UBXN7: variants seen among roughly 807,000 people sequenced by gnomAD.
The protein encoded by UBXN7 is UBX domain-containing protein 7.
In UBXN7, 9 loss-of-function variants were observed where a neutral mutation model predicts 58.0. That is an observed-to-expected ratio of 0.16 (90% CI 0.09 to 0.27). The LOEUF (loss-of-function observed/expected upper bound fraction) is 0.27. Among genes scored for constraint, UBXN7 ranks in the 10% least tolerant of loss-of-function variants. The probability of loss-of-function intolerance (pLI) is 1.00; values close to 1 mark genes in which losing one functional copy is unlikely to be tolerated. For synonymous variants in UBXN7, 208 were observed against 205.0 expected, an observed-to-expected ratio of 1.01 and a Z score of -0.12; for missense variants, 328 against 599.6, an observed-to-expected ratio of 0.55 and a Z score of 4.73.
chr3:196,385,049 C>T (rs1384538046), intron 5 of UBXN7, among the ~76,000 whole-genome samples: 1 of 152,224 alleles, frequency 6.6e-6, no homozygotes, highest in Non-Finnish European at 1.5e-5. Flanking sequence ...CCCTCTGATG[C>T]TGAGCCGAGG....
At chr3:196,410,286 C>CAT (rs1730285135) in intron 1 of UBXN7, among the ~76,000 whole-genome samples, 1 of 151,994 alleles carries the variant, frequency 6.6e-6, no homozygotes, top group African/African-American at 2.4e-5. Flanking sequence ...CTTTTTTTCT[C>CAT]AGCAGCAGGG....
chr3:196,401,320 C>CACACACAT (rs1189963065), intron 3 of UBXN7, among the ~76,000 whole-genome samples: 1 of 72,498 alleles, frequency 1.4e-5, no homozygotes, highest in African/African-American at 5.7e-5. Context: ...CACACACACA[C>CACACACAT]ATATATATAT....
At chr3:196,376,333 A>G (rs757605985) in intron 5 of UBXN7, among the ~76,000 whole-genome samples, 9 of 152,046 alleles carry the variant, frequency 5.9e-5, no homozygotes, top group Non-Finnish European at 8.8e-5. Context: ...ACCTGAGGTC[A>G]GGAGTTCGAG....
At chr3:196,399,315 T>A (rs543693590) in intron 3 of UBXN7, among the ~76,000 whole-genome samples, 85 of 152,264 alleles carry the variant, frequency 5.6e-4, no homozygotes, top group Non-Finnish European at 8.8e-4. Context: ...ATTTATTATT[T>A]TTTTTTGAGT....
chr3:196,378,892 G>C (rs1391759851), intron 5 of UBXN7, among the ~76,000 whole-genome samples: 38 of 137,086 alleles, frequency 2.8e-4, no homozygotes, highest in Admixed American at 3.7e-4. Context: ...TTGGTTTTGG[G>C]GGGTTTTAGC....
intron 1 of UBXN7, 116 bp from the exon 2 acceptor site, chr3:196,407,509 T>C (rs1730198749): frequency 7.3e-7 from 1 of 1,372,248 alleles, no homozygotes; most frequent in African/African-American, 1.5e-5. Context: ...CCTTTTAGAA[T>C]GAATGACTTT....
At chr3:196,371,725 C>T (rs924307855) in intron 6 of UBXN7, among the ~76,000 whole-genome samples, 171 bp downstream of exon 6, 2 of 152,144 alleles carry the variant, frequency 1.3e-5, no homozygotes, top group Non-Finnish European at 2.9e-5. Context: ...TCAGGTGATC[C>T]GCCGGCCTCA....
At position 196,362,436 on chromosome 3, in the gene UBXN7, A is replaced by G; in HGVS notation, c.1086T>C (p.Asn362=). The change falls in exon 9 of 11, where the codon AAT becomes AAC. Residue 362 remains asparagine, a synonymous_variant. Coordinates refer to ENST00000296328, the MANE Select transcript of UBXN7 (RefSeq NM_015562.2). The part of the protein sequence containing the change: ...HKDLGHRKEE[N]RRPLTEPPVR... ...CTGGTGGCTCAGTCAGCGGCCTTCTATTCTCCTCTTTTCTATGCCCCAAAT... is the reference window on the plus strand; with the variant it reads ...CTGGTGGCTCAGTCAGCGGCCTTCTGTTCTCCTCTTTTCTATGCCCCAAAT... 6.2e-7 allele frequency: 1 copy of G among 1,613,992 alleles called. No homozygotes were observed. Among genetic ancestry groups the G allele is most frequent in the Non-Finnish European group, 8.5e-7 (1 of 1,180,010 alleles).
Position 196,432,424 on chromosome 3 carries a change from C to CCG in UBXN7, c.-26_-25insCG, listed in dbSNP as rs765359317. The CCG allele has an allele frequency of 7.4e-5, 116 of 1,577,846 alleles. No individual in the cohort carries two copies. The highest frequency in any genetic ancestry group is 9.2e-5 in the Non-Finnish European group (107 of 1,158,648). On this transcript the variant is annotated 5_prime_UTR_variant, in exon 1 of 11. Transcript: ENST00000296328. ...TCTTACCGCCGCCGCCGCCGCCGAA[C>CCG]AACAACACAGACACACACGGACTGC...
chr3:196,376,735 T>G (rs1019130415), intron 5 of UBXN7, among the ~76,000 whole-genome samples: 25 of 151,610 alleles, frequency 1.6e-4, no homozygotes, highest in Non-Finnish European at 2.7e-4. Context: ...AAAATGTGGG[T>G]TTTTTTTCCT....
chr3:196,398,884 G>T lies in UBXN7; in HGVS notation c.289+4068C>A, dbSNP rs1010181638. Among the ~76,000 whole-genome samples the T allele has an allele frequency of 7.2e-5, 11 of 152,158 alleles. No individual in the cohort carries two copies. In the East Asian group the frequency reaches 2.1e-3, roughly 29 times the overall value. On this transcript the variant is annotated intron_variant, in intron 3 of 10. Coordinates refer to ENST00000296328, the MANE Select transcript of UBXN7 (RefSeq NM_015562.2). ...ACTCCCAGGCTCAAACAATCCTCCCGCCTCAGCCTCCGAAAGTAATCCCAA... is the reference window on the plus strand; with the variant it reads ...ACTCCCAGGCTCAAACAATCCTCCCTCCTCAGCCTCCGAAAGTAATCCCAA...
chr3:196,368,461 C>A (rs1349487629), intron 7 of UBXN7, among the ~76,000 whole-genome samples: 1 of 152,026 alleles, frequency 6.6e-6, no homozygotes, highest in Non-Finnish European at 1.5e-5. Flanking sequence ...CATTAAAAAC[C>A]AGGATCTGTA....
In UBXN7 at chr3:196,403,024, T is replaced by TA. The variant is rs570724240; in HGVS notation, c.222-6dup. ...ATTGGGGCACGAACTTCTTCTCTAT[T>TA]AAAAAAAAATGGGAAAATAAAAAAT... On this transcript the variant is annotated splice_region_variant and splice_polypyrimidine_tract_variant and intron_variant, in intron 2 of 10. Coordinates refer to ENST00000296328, the MANE Select transcript of UBXN7 (RefSeq NM_015562.2). 2.5e-4 allele frequency: 389 copies of TA among 1,552,480 alleles called. No individual in the cohort carries two copies. Among genetic ancestry groups the TA allele is most frequent in the Admixed American group, 9.0e-4 (44 of 48,658 alleles).
chr3:196,382,977 G>A (rs191382359), intron 5 of UBXN7, among the ~76,000 whole-genome samples: 5 of 151,978 alleles, frequency 3.3e-5, no homozygotes, highest in African/African-American at 4.8e-5. Context: ...TTAGCTGGGC[G>A]TGGTGGCAGG....
At chr3:196,404,614 G>C (rs1730103527) in intron 2 of UBXN7, among the ~76,000 whole-genome samples, 1 of 152,126 alleles carries the variant, frequency 6.6e-6, no homozygotes, top group Admixed American at 6.5e-5. Flanking sequence ...TCTTGTTTTT[G>C]ACATTTAAGT....
intron 5 of UBXN7, among the ~76,000 whole-genome samples, chr3:196,375,190 C>CACAG (rs1553850319): frequency 9.2e-6 from 1 of 108,820 alleles, no homozygotes; most frequent in Non-Finnish European, 2.1e-5. Context: ...TTACCACACA[C>CACAG]ACACACACAC....
At chr3:196,363,372 G>A (rs1728565393) in intron 8 of UBXN7, among the ~76,000 whole-genome samples, 2 of 151,376 alleles carry the variant, frequency 1.3e-5, no homozygotes, top group Non-Finnish European at 2.9e-5. Context: ...ATATCAAAAT[G>A]AAGGCCAGGC....
intron 10 of UBXN7, among the ~76,000 whole-genome samples, chr3:196,360,093 G>GA (rs1483545386): frequency 6.6e-6 from 1 of 152,188 alleles, no homozygotes; most frequent in Non-Finnish European, 1.5e-5. Context: ...AGCTACGAAA[G>GA]AAAAGCTGGA....
chr3:196,365,645 A>G (rs1728643666), intron 8 of UBXN7, among the ~76,000 whole-genome samples: 1 of 152,230 alleles, frequency 6.6e-6, no homozygotes, highest in African/African-American at 2.4e-5. Context: ...ATTCCCAAAA[A>G]CAGAATTAAG....
Sources: gnomAD v4.1 joint callset for allele counts (sites outside exome capture counted in the v4.1 genomes callset) on GRCh38, gnomAD v4.1.1 for gene constraint, MANE v1.5 for transcripts, NCBI Gene and HGNC (gene_info 2026-07-23, HGNC 2026-07-21) for gene names.